The following DHCR24 variants were observed in gnomAD, a reference collection of about 807,000 sequenced individuals.
The protein encoded by DHCR24 is delta(24)-sterol reductase.
In DHCR24, 28 loss-of-function variants were observed where a neutral mutation model predicts 61.2. The ratio of observed to expected loss-of-function variants is 0.46; its 90% CI spans 0.34 to 0.63. DHCR24 has a LOEUF of 0.63. DHCR24 is among the 20% of genes least tolerant of loss of function. DHCR24 has a pLI of 0.01. For missense variants in DHCR24, 538 were observed against 679.1 expected (o/e 0.79, Z 2.31); for synonymous variants, 261 against 275.9 (o/e 0.95, Z 0.54).
chr1:54,853,740 G>T, intron 7 of DHCR24, 128 bp from the exon 8 acceptor site: 1 of 1,115,258 alleles, frequency 9.0e-7, no homozygotes, highest in Non-Finnish European at 1.3e-6. Flanking sequence ...GGTGCTCTCA[G>T]CTTCACTGCC....
At position 54,865,328 on chromosome 1, in the gene DHCR24, G is replaced by A. The variant is rs1159296916; in HGVS notation, c.995C>T (p.Thr332Met). The A allele has an allele frequency of 1.7e-5, 28 of 1,613,898 alleles. No individual in the cohort carries two copies. The highest frequency in any genetic ancestry group is 2.3e-5 in the Non-Finnish European group (27 of 1,179,908). ...IPLRHYYHRH[T>M]RSIFWELQDI... Reference sequence around the variant, plus strand: ...CTGGAGCTCCCAGAAGATGCTGCGCGTGTGGCGGTGGTAGTAGTGTCTCAA... The same window carrying A: ...CTGGAGCTCCCAGAAGATGCTGCGCATGTGGCGGTGGTAGTAGTGTCTCAA... The change falls in exon 6 of 9, where the codon ACG (threonine) becomes ATG (methionine). Residue 332 changes from threonine to methionine, a missense_variant. Transcript: ENST00000371269.
At position 54,875,447 on chromosome 1, in the gene DHCR24, C is replaced by T. The variant is rs115658625; in HGVS notation, c.494-236G>A. Among the ~76,000 whole-genome samples the T allele has an allele frequency of 6.5e-3, 982 of 152,124 alleles. 11 individuals are homozygous for T. Among genetic ancestry groups the T allele is most frequent in the African/African-American group, 0.023 (943 of 41,474 alleles). ...GAAGGGAGTGGCGAGCAGACCTTGT[C>T]AAGTGTACTCACACCTCACCTCTGG... On this transcript the variant is annotated intron_variant, in intron 3 of 8. Transcript: ENST00000371269.
At chr1:54,880,536 A>G (rs1647058472) in intron 2 of DHCR24, among the ~76,000 whole-genome samples, 1 of 152,204 alleles carries the variant, frequency 6.6e-6, no homozygotes, top group African/African-American at 2.4e-5. Flanking sequence ...AGGCCAAGGT[A>G]GGTGGATCAT....
At chr1:54,854,282 G>T in intron 6 of DHCR24, 48 bp from the exon 7 acceptor site, 2 of 1,554,316 alleles carry the variant, frequency 1.3e-6, no homozygotes, top group Non-Finnish European at 1.8e-6. Flanking sequence ...AACAAGGGTT[G>T]AATGTCTCCA....
At chr1:54,877,271 T>C (rs946606155) in intron 2 of DHCR24, among the ~76,000 whole-genome samples, 14 of 151,868 alleles carry the variant, frequency 9.2e-5, no homozygotes, top group African/African-American at 3.4e-4. Context: ...TTTTCTGTTT[T>C]GCCTTTTTAA....
chr1:54,880,716 G>C (rs1194058103), intron 2 of DHCR24, among the ~76,000 whole-genome samples: 1 of 152,066 alleles, frequency 6.6e-6, no homozygotes, highest in African/African-American at 2.4e-5. Flanking sequence ...CGAGAACTGA[G>C]ATAGCACCAC....
intron 1 of DHCR24, chr1:54,886,589 C>T (rs1570206968): frequency 1.3e-5 from 19 of 1,420,962 alleles, no homozygotes; most frequent in Non-Finnish European, 1.7e-5. Context: ...CTTTCCTTCT[C>T]TGAAATGCTT....
At chr1:54,886,384 A>C (rs1647096223) in intron 1 of DHCR24, among the ~76,000 whole-genome samples, 1 of 152,194 alleles carries the variant, frequency 6.6e-6, no homozygotes, top group South Asian at 2.1e-4. Flanking sequence ...TACAAAATAA[A>C]GTCCAAACTC....
intron 2 of DHCR24, among the ~76,000 whole-genome samples, chr1:54,877,611 A>T (rs913711960): frequency 1.3e-5 from 2 of 151,774 alleles, no homozygotes; most frequent in East Asian, 2.0e-4. Flanking sequence ...AAATTATTTT[A>T]AAAAAAGGTG....
At chr1:54,859,294 G>C (rs1048015745) in intron 6 of DHCR24, among the ~76,000 whole-genome samples, 1 of 130,402 alleles carries the variant, frequency 7.7e-6, no homozygotes, top group Non-Finnish European at 1.7e-5. Context: ...CACAGCATGA[G>C]AGTCCCTGAG....
intron 6 of DHCR24, among the ~76,000 whole-genome samples, chr1:54,861,347 TG>T (rs1345922682): frequency 6.6e-6 from 1 of 152,192 alleles, no homozygotes; most frequent in Admixed American, 6.5e-5. Flanking sequence ...AAATATTTGT[TG>T]TTTGGCCTTT....
chr1:54,858,475 A>C (rs1646919390), intron 6 of DHCR24, among the ~76,000 whole-genome samples: 2 of 152,202 alleles, frequency 1.3e-5, no homozygotes, highest in South Asian at 4.1e-4. Context: ...TAGAGGTCTG[A>C]ACGTTCACTT....
chr1:54,886,611 G>C (rs1301474690), intron 1 of DHCR24: 4 of 1,460,904 alleles, frequency 2.7e-6, no homozygotes, highest in East Asian at 2.9e-5. Context: ...GGCCGGGTGA[G>C]AGTTACCTGA....
chr1:54,878,514 CAAAAAAAA>C (rs56198608), intron 2 of DHCR24, among the ~76,000 whole-genome samples: 5 of 54,326 alleles, frequency 9.2e-5, no homozygotes, highest in Admixed American at 6.1e-4. Context: ...AACTCTGTCT[CAAAAAAAA>C]AAAAAAAAAA....
chr1:54,868,161 G>C (rs868107208), intron 5 of DHCR24, among the ~76,000 whole-genome samples: 5 of 152,124 alleles, frequency 3.3e-5, no homozygotes, highest in Admixed American at 1.3e-4. Flanking sequence ...TTTGATCTGC[G>C]ATTTTATGTT....
intron 6 of DHCR24, among the ~76,000 whole-genome samples, chr1:54,863,466 C>T (rs1490556067): frequency 1.3e-5 from 2 of 152,174 alleles, no homozygotes; most frequent in South Asian, 2.1e-4. Context: ...CATAGCTCAG[C>T]GTGGGCATGC....
In DHCR24 at chr1:54,885,657, C is replaced by T. The variant is rs553422448; in HGVS notation, c.231+1232G>A. Among the ~76,000 whole-genome samples, 3 of 152,100 alleles carry T rather than the reference C, an allele frequency of 2.0e-5. No individual in the cohort carries two copies. The South Asian group carries it at 6.2e-4, about 32-fold the overall frequency. On this transcript the variant is annotated intron_variant, in intron 1 of 8. Transcript: ENST00000371269. Reference sequence around the variant, plus strand: ...GGGTAGAGGCTAGTCCAGCTGGGCCCCTGTTTTCCTGCTCACAGTGAATCT... The same window carrying T: ...GGGTAGAGGCTAGTCCAGCTGGGCCTCTGTTTTCCTGCTCACAGTGAATCT...
chr1:54,876,734 T>TC (rs1052019243), intron 2 of DHCR24, among the ~76,000 whole-genome samples: 3 of 151,868 alleles, frequency 2.0e-5, no homozygotes, highest in African/African-American at 7.3e-5. Context: ...ACTTTGGTTT[T>TC]TTTTTCCCCA....
chr1:54,879,365 T>C (rs1647053374), intron 2 of DHCR24, among the ~76,000 whole-genome samples: 1 of 130,828 alleles, frequency 7.6e-6, no homozygotes, highest in African/African-American at 3.0e-5. Context: ...CAAATCAAAC[T>C]TCTGGAAATG....
Sources: gnomAD v4.1 joint callset for allele counts (sites outside exome capture counted in the v4.1 genomes callset) on GRCh38, gnomAD v4.1.1 for gene constraint, MANE v1.5 for transcripts, NCBI Gene and HGNC (gene_info 2026-07-23, HGNC 2026-07-21) for gene names.